Variants in MCTP1 observed in about 807,000 individuals in gnomAD.
The protein encoded by MCTP1 is multiple C2 and transmembrane domain containing 1, also known as multiple C2 and transmembrane domain-containing protein 1.
Under a neutral mutation model 120.6 loss-of-function variants are expected in MCTP1, and 69 were observed. The ratio of observed to expected loss-of-function variants is 0.57; its 90% CI spans 0.47 to 0.70. The LOEUF (loss-of-function observed/expected upper bound fraction) is 0.70. Ranked by LOEUF, MCTP1 falls within the 30% of genes least tolerant of loss-of-function variation. The pLI is 0.00. For synonymous variants in MCTP1, 529 were observed against 493.1 expected (o/e 1.07, Z -0.96); for missense variants, 1,203 against 1,248.8 (o/e 0.96, Z 0.55).
chr5:94,733,958 T>C (rs989274283), intron 19 of MCTP1, among the ~76,000 whole-genome samples: 7 of 142,990 alleles, frequency 4.9e-5, no homozygotes, highest in African/African-American at 1.8e-4. Context: ...AGCAAGACTC[T>C]GTCTGAAAAA....
chr5:94,898,353 C>T (rs1159553300), intron 10 of MCTP1, among the ~76,000 whole-genome samples: 1 of 152,218 alleles, frequency 6.6e-6, no homozygotes, highest in Non-Finnish European at 1.5e-5. Flanking sequence ...TGTAACTAAG[C>T]AAAGTTTTCT....
At chr5:94,862,664 A>C (rs566799525) in intron 17 of MCTP1, among the ~76,000 whole-genome samples, 1 of 151,644 alleles carries the variant, frequency 6.6e-6, no homozygotes, top group Admixed American at 6.6e-5. Flanking sequence ...TGTACCTTAT[A>C]CTCTTTGGGG....
chr5:94,815,649 C>T (rs892438661), intron 17 of MCTP1, among the ~76,000 whole-genome samples: 15 of 152,170 alleles, frequency 9.9e-5, no homozygotes, highest in African/African-American at 2.4e-4. Flanking sequence ...TAAAGACATC[C>T]GCTCAGTGGC....
chr5:94,823,733 G>A (rs1786238367), intron 17 of MCTP1, among the ~76,000 whole-genome samples: 1 of 152,170 alleles, frequency 6.6e-6, no homozygotes, highest in Non-Finnish European at 1.5e-5. Flanking sequence ...GCAGTGGTTT[G>A]TAGTTCTCCT....
At chr5:94,778,950 C>A (rs1181603660) in intron 19 of MCTP1, among the ~76,000 whole-genome samples, 160 bp downstream of exon 19, 10 of 152,152 alleles carry the variant, frequency 6.6e-5, no homozygotes, top group African/African-American at 2.4e-4. Context: ...AGCCTTCTCT[C>A]CCTCTTTGCA....
At chr5:94,957,284 A>G (rs1428929992) in intron 2 of MCTP1, among the ~76,000 whole-genome samples, 1 of 152,216 alleles carries the variant, frequency 6.6e-6, no homozygotes. Flanking sequence ...TATGGAAAGG[A>G]AAAACTGGTA....
intron 1 of MCTP1, among the ~76,000 whole-genome samples, chr5:95,133,366 A>T (rs1470771597): frequency 6.6e-6 from 1 of 152,236 alleles, no homozygotes; most frequent in Non-Finnish European, 1.5e-5. Context: ...AATAAAATGG[A>T]GCTATAACAA....
chr5:94,725,669 T>C (rs1761973301), intron 19 of MCTP1, among the ~76,000 whole-genome samples: 1 of 152,134 alleles, frequency 6.6e-6, no homozygotes, highest in Non-Finnish European at 1.5e-5. Context: ...AGAAGATGAG[T>C]AGATTTCTTA....
At chr5:95,208,919 CT>C (rs1296758826) in intron 1 of MCTP1, among the ~76,000 whole-genome samples, 2 of 152,004 alleles carry the variant, frequency 1.3e-5, no homozygotes, top group African/African-American at 2.4e-5. Context: ...TTTACCATTC[CT>C]TCCTTCTTTA....
At chr5:94,858,737 C>T (rs1795186324) in intron 17 of MCTP1, among the ~76,000 whole-genome samples, 1 of 151,714 alleles carries the variant, frequency 6.6e-6, no homozygotes, top group Admixed American at 6.6e-5. Context: ...CTCTAACCTC[C>T]ATTCCAGTTG....
At chr5:95,065,672 C>A (rs770435162) in intron 1 of MCTP1, among the ~76,000 whole-genome samples, 49 of 152,080 alleles carry the variant, frequency 3.2e-4, no homozygotes, top group Non-Finnish European at 5.1e-4. Flanking sequence ...AAAGCTTTTC[C>A]TTTGAGATTG....
Position 95,166,831 on chromosome 5 carries a change from T to G in MCTP1, c.720+117025A>C, listed in dbSNP as rs540130588. Among the ~76,000 whole-genome samples, 350 of 152,222 alleles carry G rather than the reference T, an allele frequency of 2.3e-3. 3 individuals are homozygous for G. The East Asian group carries it at 0.024, about 11-fold the overall frequency. The stretch of plus-strand genomic sequence containing the variant: ...ATCCGCCCGCCTCAGCCTCCCAAAG[T>G]GCTGGGATTACAGGCGTGAGCCACT... On this transcript the variant is annotated intron_variant, in intron 1 of 22. Transcript: ENST00000515393.
chr5:94,863,870 T>C (rs1796291548), intron 17 of MCTP1, among the ~76,000 whole-genome samples: 1 of 151,774 alleles, frequency 6.6e-6, no homozygotes, highest in Admixed American at 6.6e-5. Flanking sequence ...CTCATGTCAT[T>C]CTTTGCATAC....
At chr5:95,249,461 C>T (rs1562276809) in intron 1 of MCTP1, among the ~76,000 whole-genome samples, 1 of 152,082 alleles carries the variant, frequency 6.6e-6, no homozygotes. Context: ...AAATGAGATA[C>T]CATCTCACGC....
chr5:94,707,877 A>G (rs968780474), intron 22 of MCTP1, among the ~76,000 whole-genome samples: 1 of 151,634 alleles, frequency 6.6e-6, no homozygotes, highest in Non-Finnish European at 1.5e-5. Flanking sequence ...TTTACAATTT[A>G]TCGTGTGTTT....
intron 1 of MCTP1, among the ~76,000 whole-genome samples, chr5:95,160,250 GAACAA>G (rs1232208647): frequency 2.6e-5 from 4 of 152,242 alleles, no homozygotes; most frequent in Non-Finnish European, 5.9e-5. Flanking sequence ...ATGAAGATTT[GAACAA>G]AAATACTGGT....
intron 1 of MCTP1, among the ~76,000 whole-genome samples, chr5:95,071,057 G>A (rs765654442): frequency 2.0e-5 from 3 of 152,188 alleles, no homozygotes; most frequent in African/African-American, 4.8e-5. Flanking sequence ...AAGGGGAAGC[G>A]AGAGGAAGGG....
intron 17 of MCTP1, among the ~76,000 whole-genome samples, chr5:94,824,248 C>G (rs1220809253): frequency 6.6e-6 from 1 of 152,082 alleles, no homozygotes; most frequent in African/African-American, 2.4e-5. Flanking sequence ...ATGTTTTTAG[C>G]ATGAAGGGGT....
intron 1 of MCTP1, among the ~76,000 whole-genome samples, chr5:95,092,250 T>A (rs896753901): frequency 6.6e-6 from 1 of 152,162 alleles, no homozygotes; most frequent in Non-Finnish European, 1.5e-5. Context: ...GAAAAAACTG[T>A]TAAAATATAA....
Sources: allele counts gnomAD v4.1 joint callset (sites outside exome capture counted in the v4.1 genomes callset), GRCh38; gene constraint gnomAD v4.1.1; transcripts MANE v1.5; gene names NCBI Gene and HGNC (gene_info 2026-07-23, HGNC 2026-07-21).